Variants in GGA1 observed in about 807,000 individuals in gnomAD.
GGA1 encodes golgi associated, gamma adaptin ear containing, ARF binding protein 1.
In GGA1, 18 loss-of-function variants were observed where a neutral mutation model predicts 76.9. The ratio of observed to expected loss-of-function variants is 0.23; its 90% CI spans 0.16 to 0.35. GGA1 has a LOEUF of 0.35. Among genes scored for constraint, GGA1 ranks in the 10% least tolerant of loss-of-function variants. GGA1 has a pLI of 1.00. For synonymous variants in GGA1, 342 were observed against 354.7 expected, an observed-to-expected ratio of 0.96 and a Z score of 0.40; for missense variants, 755 against 859.0, an observed-to-expected ratio of 0.88 and a Z score of 1.51.
chr22:37,615,521 T>G (rs930015012), intron 2 of GGA1, among the ~76,000 whole-genome samples: 3 of 151,934 alleles, frequency 2.0e-5, no homozygotes, highest in African/African-American at 4.8e-5. Flanking sequence ...ATCCCAGCAC[T>G]CTGGGAGGCT....
In GGA1 at chr22:37,625,035, G is replaced by A. The variant is rs1930559387; in HGVS notation, c.899G>A (p.Gly300Asp). The A allele has an allele frequency of 1.2e-6, 2 of 1,601,846 alleles. No individual in the cohort carries two copies. Among genetic ancestry groups the A allele is most frequent in the South Asian group, 1.1e-5 (1 of 88,976 alleles). Residue 300 changes from glycine to aspartate, a missense_variant, in exon 10 of 17, where the codon GGT becomes GAT. Gly to Asp is a moderately conservative substitution (Grantham distance 94). Coordinates refer to ENST00000343632, the MANE Select transcript of GGA1 (RefSeq NM_013365.5). This position sits in a 1 kb window ranked among gnomAD's most constrained non-coding sequence, Gnocchi z 4.1. ...VINLYKQLVR[G>D]EEVNGDATAG... The stretch of plus-strand genomic sequence containing the variant: ...AACCTGTATAAGCAGCTGGTGCGGG[G>A]TGAGGAGGTCAACGGTGATGCCACA...
rs1330045908 is a variant in GGA1 at position 37,623,263 on chromosome 22, G to A, written c.610-64G>A. 6.8e-6 allele frequency: 10 copies of A among 1,462,112 alleles called. No homozygotes were observed. Among genetic ancestry groups the A allele is most frequent in the Non-Finnish European group, 9.6e-6 (10 of 1,042,896 alleles). 90.6% of individuals were successfully genotyped at this position (1,462,112 alleles called of 1,614,324 possible). A position where few individuals can be genotyped will look rare whatever the true frequency, so the allele number is the denominator to read the frequency against. ...GATCCCAGCACACATTCTCTCAAGT[G>A]GCAGGGGGCAGTGCCTCGTCCAGGC... On this transcript the variant is annotated intron_variant, in intron 7 of 16. Transcript: ENST00000343632. The surrounding 1 kb of genome is among the most constrained non-coding windows in gnomAD (Gnocchi z 4.6).
At chr22:37,615,873 C>G (rs1157921338) in intron 2 of GGA1, among the ~76,000 whole-genome samples, 1 of 151,624 alleles carries the variant, frequency 6.6e-6, no homozygotes, top group Non-Finnish European at 1.5e-5. Flanking sequence ...TGGAGTCTCG[C>G]TCTGTCGCCC....
Position 37,625,769 on chromosome 22 carries a change from C to T in GGA1, c.941-28C>T. ...CTGAGAGACACGTGTACACCCAGGA[C>T]TTGCCAGCCTCTTCTTTCCCACCCC... is the stretch of plus-strand genomic sequence containing the variant. On this transcript the variant is annotated intron_variant, in intron 10 of 16. Coordinates refer to ENST00000343632, the MANE Select transcript of GGA1 (RefSeq NM_013365.5). The surrounding 1 kb of genome is among the most constrained non-coding windows in gnomAD (Gnocchi z 4.1). 6.5e-7 allele frequency: 1 copy of T among 1,531,016 alleles called. No individual in the cohort carries two copies. Among genetic ancestry groups the T allele is most frequent in the Non-Finnish European group, 8.8e-7 (1 of 1,131,112 alleles). 94.8% of individuals were successfully genotyped at this position (1,531,016 alleles called of 1,614,324 possible). A position where few individuals can be genotyped will look rare whatever the true frequency, so the allele number is the denominator to read the frequency against.
intron 2 of GGA1, among the ~76,000 whole-genome samples, chr22:37,614,650 C>G (rs1017389214): frequency 1.3e-5 from 2 of 152,232 alleles, no homozygotes; most frequent in African/African-American, 4.8e-5. Context: ...AGGCCCTTTG[C>G]TCAAGGACGA....
chr22:37,613,269 C>G lies in GGA1; in HGVS notation c.44-921C>G, dbSNP rs1328857905. On this transcript the variant is annotated intron_variant, in intron 1 of 16. Coordinates refer to ENST00000343632, the MANE Select transcript of GGA1 (RefSeq NM_013365.5). ...CCCGCATCTTTCCTGCCCATACAGCCATGCGTGGGTCAGAGGTGTACCAGC... is the reference window on the plus strand; with the variant it reads ...CCCGCATCTTTCCTGCCCATACAGCGATGCGTGGGTCAGAGGTGTACCAGC... 4 of 615,866 alleles carry G rather than the reference C, an allele frequency of 6.5e-6. No individual in the cohort carries two copies. The East Asian group carries it at 5.6e-4, about 86-fold the overall frequency. 38.2% of individuals were successfully genotyped at this position (615,866 alleles called of 1,614,324 possible).
At chr22:37,608,924 C>A in intron 1 of GGA1, 21 bp downstream of exon 1, 1 of 1,317,542 alleles carries the variant, frequency 7.6e-7, no homozygotes. Context: ...GGGAGGGGCG[C>A]GGGCCGGACC....
chr22:37,616,899 T>A, intron 2 of GGA1, 23 bp from the exon 3 acceptor site: 1 of 1,588,014 alleles, frequency 6.3e-7, no homozygotes, highest in Non-Finnish European at 8.6e-7. Context: ...CGACTCTGGC[T>A]CTGTGTTGTT....
intron 2 of GGA1, among the ~76,000 whole-genome samples, chr22:37,615,975 G>A (rs912543175): frequency 4.6e-5 from 7 of 151,864 alleles, no homozygotes; most frequent in Non-Finnish European, 8.8e-5. Flanking sequence ...CCAGCAGCTG[G>A]GACTACAGGC....
At chr22:37,616,898 C>T (rs765864784) in intron 2 of GGA1, 24 bp from the exon 3 acceptor site, 20 of 1,587,010 alleles carry the variant, frequency 1.3e-5, no homozygotes, top group Non-Finnish European at 1.7e-5. Flanking sequence ...GCGACTCTGG[C>T]TCTGTGTTGT....
intron 11 of GGA1, chr22:37,627,266 C>G (rs896672013): frequency 6.6e-6 from 1 of 152,264 alleles, no homozygotes; most frequent in Non-Finnish European, 1.5e-5. Flanking sequence ...CTCTGAGCAG[C>G]TGGGCTGCTC....
At position 37,625,223 on chromosome 22, in the gene GGA1, G is replaced by C. The variant is rs191299087; in HGVS notation, c.940+147G>C. ...AGATGGGGAAGGCCCCAGGGAGGGA[G>C]CTGGGGGTGAAGTCTGTGCCAAGCC... is the stretch of plus-strand genomic sequence containing the variant. On this transcript the variant is annotated intron_variant, in intron 10 of 16. Transcript: ENST00000343632. The surrounding 1 kb of genome is among the most constrained non-coding windows in gnomAD (Gnocchi z 4.1). 1,779 of 707,568 alleles carry C rather than the reference G, an allele frequency of 2.5e-3. 6 individuals carry two copies. Among genetic ancestry groups the C allele is most frequent in the Non-Finnish European group, 3.4e-3 (1,437 of 421,874 alleles). The allele number at this position is 707,568 out of a possible 1,614,324, so 43.8% of individuals were successfully genotyped here.
At chr22:37,622,033 T>C (rs1929987566) in intron 7 of GGA1, among the ~76,000 whole-genome samples, 1 of 152,160 alleles carries the variant, frequency 6.6e-6, no homozygotes, top group South Asian at 2.1e-4. Flanking sequence ...TTTTTTAGTA[T>C]TTAAAAATAC....
Position 37,630,007 on chromosome 22 carries a change from G to A in GGA1, c.1168G>A (p.Ala390Thr), listed in dbSNP as rs758152515. 23 of 1,560,254 alleles carry A rather than the reference G, an allele frequency of 1.5e-5. No homozygotes were observed. Among genetic ancestry groups the A allele is most frequent in the South Asian group, 4.7e-5 (4 of 84,560 alleles). Reference sequence around the variant, plus strand: ...ATCCTTTTCCCCACAGTCGTCGGATGCCACTGAGCCCCCAGCCCCTGCTCT... The same window carrying A: ...ATCCTTTTCCCCACAGTCGTCGGATACCACTGAGCCCCCAGCCCCTGCTCT... ...TGWNSFQSSD[A>T]TEPPAPALAQ... Residue 390 changes from alanine to threonine, a missense_variant, in exon 13 of 17, where the codon GCC (alanine) becomes ACC (threonine). Coordinates refer to ENST00000343632, the MANE Select transcript of GGA1 (RefSeq NM_013365.5).
In GGA1 at chr22:37,614,253, A is replaced by G. The variant is rs767276418; in HGVS notation, c.107A>G (p.Gln36Arg). The G allele has an allele frequency of 6.2e-7, 1 of 1,613,642 alleles. No individual in the cohort carries two copies. Among genetic ancestry groups the G allele is most frequent in the Non-Finnish European group, 8.5e-7 (1 of 1,179,628 alleles). Residue 36 changes from glutamine to arginine, a missense_variant, in exon 2 of 17, where the codon CAG (glutamine) becomes CGG (arginine). By Grantham distance (43) the Gln-to-Arg change is conservative (BLOSUM62 1). Transcript: ENST00000343632. ...GCCAGCATCAACGGCTTCTGCGAGC[A>G]GCTCAACGAGGACTTTGAGGGGTAG... ...DWASINGFCE[Q>R]LNEDFEGPPL...
rs1339367760 is a variant in GGA1, at chr22:37,616,907, G to T, written c.129-15G>T. The T allele has an allele frequency of 6.3e-7, 1 of 1,596,116 alleles. No individual in the cohort carries two copies. Among genetic ancestry groups the T allele is most frequent in the Non-Finnish European group, 8.5e-7 (1 of 1,172,242 alleles). ...TCCGTGGCGACTCTGGCTCTGTGTT[G>T]TTCCTCCCACCCAGGCCTCCACTCG... On this transcript the variant is annotated splice_polypyrimidine_tract_variant and intron_variant, in intron 2 of 16. Transcript: ENST00000343632.
rs559524141 is a variant in GGA1 at position 37,633,093 on chromosome 22, T to A, written c.*382T>A. 4.9e-6 allele frequency: 1 copy of A among 203,634 alleles called. No individual in the cohort carries two copies. The highest frequency in any genetic ancestry group is 9.0e-5 in the South Asian group (1 of 11,110). The allele number at this position is 203,634 out of a possible 1,614,324, so 12.6% of individuals were successfully genotyped here. On this transcript the variant is annotated 3_prime_UTR_variant, in exon 17 of 17. Transcript: ENST00000343632. Reference sequence around the variant, plus strand: ...TGGGGTCTTCCCCACCTGTCTCTTATGCCTTATGGGAAGGCCCAGCCATAA... The same window carrying A: ...TGGGGTCTTCCCCACCTGTCTCTTAAGCCTTATGGGAAGGCCCAGCCATAA...
intron 4 of GGA1, chr22:37,619,671 C>T (rs1037454562): frequency 3.4e-4 from 214 of 620,832 alleles, no homozygotes; most frequent in Non-Finnish European, 2.8e-4. Context: ...CCATGGCCTC[C>T]GGCCTACTGT....
Position 37,608,880 on chromosome 22 carries a change from C to A in GGA1, c.20C>A (p.Pro7Gln). MEPAME[P>Q]ETLEARINRA... ...TGGCGGATGGAGCCCGCGATGGAGC[C>A]GGAGACTCTGGAGGCGCGAATCAGT... Residue 7 changes from proline (P) to glutamine (Q), a missense_variant, in exon 1 of 17, where the codon CCG becomes CAG. Coordinates refer to ENST00000343632, the MANE Select transcript of GGA1 (RefSeq NM_013365.5). 7.6e-7 allele frequency: 1 copy of A among 1,309,750 alleles called. No homozygotes were observed. The allele number at this position is 1,309,750 out of a possible 1,614,324, so 81.1% of individuals were successfully genotyped here. A position where few individuals can be genotyped will look rare whatever the true frequency, so the allele number is the denominator to read the frequency against.
Sources: gnomAD v4.1 joint callset for allele counts (sites outside exome capture counted in the v4.1 genomes callset) on GRCh38, gnomAD v4.1.1 for gene constraint, Gnocchi (gnomAD v3.1) non-coding constraint, MANE v1.5 for transcripts, NCBI Gene and HGNC (gene_info 2026-07-23, HGNC 2026-07-21) for gene names.